The following LRP1B variants were observed in gnomAD, a reference collection of about 807,000 sequenced individuals.
LRP1B encodes the protein low-density lipoprotein receptor-related protein 1B.
In LRP1B, 217 loss-of-function variants were observed where a neutral mutation model predicts 556.6. That is an observed-to-expected ratio of 0.39 (90% confidence interval 0.35 to 0.44). LRP1B has a LOEUF of 0.44. Ranked by LOEUF, LRP1B falls within the 20% of genes least tolerant of loss-of-function variation. LRP1B has a pLI of 1.00. For missense variants in LRP1B, 5,053 were observed against 5,620.8 expected, an observed-to-expected ratio of 0.90 and a Z score of 3.23; for synonymous variants, 2,047 against 1,865.8, an observed-to-expected ratio of 1.10 and a Z score of -2.50.
chr2:141,394,176 G>A (rs1332241096), intron 3 of LRP1B, among the ~76,000 whole-genome samples: 1 of 152,020 alleles, frequency 6.6e-6, no homozygotes, highest in East Asian at 1.9e-4. Flanking sequence ...TTTGTTAACT[G>A]CATAATAAGA....
At chr2:141,590,117 A>G (rs914387739) in intron 2 of LRP1B, among the ~76,000 whole-genome samples, 1 of 152,140 alleles carries the variant, frequency 6.6e-6, no homozygotes, top group Non-Finnish European at 1.5e-5. Flanking sequence ...GGTTATTTTT[A>G]CTTGATTCTA....
intron 32 of LRP1B, among the ~76,000 whole-genome samples, chr2:140,794,291 C>T (rs1209949533): frequency 1.3e-5 from 2 of 151,996 alleles, no homozygotes; most frequent in Admixed American, 1.3e-4. Context: ...TAGGTAATTA[C>T]CTAGCTAAAA....
At chr2:140,300,049 ATCAC>A (rs911646923) in intron 83 of LRP1B, among the ~76,000 whole-genome samples, 4 of 152,120 alleles carry the variant, frequency 2.6e-5, no homozygotes, top group African/African-American at 9.7e-5. Context: ...TTCTATCCCC[ATCAC>A]TCAAAGAAAT....
chr2:140,319,031 G>A (rs1684656159), intron 82 of LRP1B, among the ~76,000 whole-genome samples: 1 of 152,068 alleles, frequency 6.6e-6, no homozygotes, highest in Non-Finnish European at 1.5e-5. Flanking sequence ...GCACAACAAA[G>A]TTATTTAAGT....
At chr2:140,925,916 A>G (rs1043777646) in intron 20 of LRP1B, among the ~76,000 whole-genome samples, 3 of 152,088 alleles carry the variant, frequency 2.0e-5, no homozygotes, top group Non-Finnish European at 4.4e-5. Flanking sequence ...GTTATTGTCT[A>G]AGGTTTTTTC....
chr2:140,310,930 AGCAAAATAAATAATC>A (rs1175757357), intron 83 of LRP1B, among the ~76,000 whole-genome samples: 4 of 151,860 alleles, frequency 2.6e-5, no homozygotes, highest in African/African-American at 9.7e-5. Context: ...ACTTCTGCAT[AGCAAAATAAATAATC>A]ACAAGAGAAA....
rs1469656453 is a variant in LRP1B at position 142,064,932 on chromosome 2, C to T, written c.82+65716G>A. ...TCTATCTCCATGTACCTCCATGTAACAATGACAGAAGCAATAGCAGAGTTT... is the reference window on the plus strand; with the variant it reads ...TCTATCTCCATGTACCTCCATGTAATAATGACAGAAGCAATAGCAGAGTTT... On this transcript the variant is annotated intron_variant, in intron 1 of 90. Coordinates refer to ENST00000389484, the MANE Select transcript of LRP1B (RefSeq NM_018557.3). Among the ~76,000 whole-genome samples, 4 of 151,460 alleles carry T rather than the reference C, an allele frequency of 2.6e-5. No individual in the cohort carries two copies. In the Admixed American group the frequency reaches 2.6e-4, roughly 10 times the overall value.
intron 83 of LRP1B, among the ~76,000 whole-genome samples, chr2:140,304,290 T>C (rs986813855): frequency 3.3e-5 from 5 of 152,170 alleles, no homozygotes; most frequent in African/African-American, 1.2e-4. Context: ...TGTAAAAGTG[T>C]TCCTATTCTC....
At chr2:141,030,785 T>C (rs1698346496) in intron 11 of LRP1B, among the ~76,000 whole-genome samples, 1 of 152,098 alleles carries the variant, frequency 6.6e-6, no homozygotes, top group South Asian at 2.1e-4. Flanking sequence ...ACTCTGATTC[T>C]TTCCAATTGC....
intron 41 of LRP1B, among the ~76,000 whole-genome samples, chr2:140,613,624 T>C (rs1005515760): frequency 3.3e-5 from 5 of 151,224 alleles, no homozygotes; most frequent in African/African-American, 1.2e-4. Flanking sequence ...GCCTCAGCCT[T>C]GTCGTTTAAA....
chr2:141,836,441 A>AT (rs931645455), intron 1 of LRP1B, among the ~76,000 whole-genome samples: 2 of 151,508 alleles, frequency 1.3e-5, no homozygotes, highest in Admixed American at 6.6e-5. Flanking sequence ...TGACTATCCT[A>AT]TTTTTTTTCT....
At chr2:141,404,291 G>A (rs1042044101) in intron 3 of LRP1B, among the ~76,000 whole-genome samples, 9 of 152,092 alleles carry the variant, frequency 5.9e-5, no homozygotes, top group African/African-American at 1.7e-4. Context: ...GATGAAGATC[G>A]TAGTAGTTAC....
intron 43 of LRP1B, among the ~76,000 whole-genome samples, chr2:140,547,992 A>T (rs1287497974): frequency 6.6e-6 from 1 of 151,866 alleles, no homozygotes; most frequent in East Asian, 1.9e-4. Context: ...TACAGGAATG[A>T]TTACTGCAAA....
intron 11 of LRP1B, among the ~76,000 whole-genome samples, chr2:141,042,800 T>C (rs939465110): frequency 2.0e-5 from 3 of 151,676 alleles, no homozygotes; most frequent in Non-Finnish European, 4.4e-5. Context: ...TAAGGTGGTA[T>C]AGTCTAAAAT....
intron 84 of LRP1B, among the ~76,000 whole-genome samples, chr2:140,276,805 G>A (rs1437750117): frequency 6.6e-6 from 1 of 151,836 alleles, no homozygotes; most frequent in Non-Finnish European, 1.5e-5. Context: ...ATTAATTATA[G>A]AATCATATAG....
intron 1 of LRP1B, among the ~76,000 whole-genome samples, chr2:141,997,335 C>T (rs1302241700): frequency 6.6e-6 from 1 of 150,590 alleles, no homozygotes; most frequent in East Asian, 1.9e-4. Context: ...TGTTAAAGAG[C>T]TCAATGGTTA....
intron 1 of LRP1B, among the ~76,000 whole-genome samples, chr2:141,871,952 C>T (rs112673738): frequency 7.8e-4 from 119 of 151,992 alleles, no homozygotes; most frequent in African/African-American, 2.8e-3. Flanking sequence ...AGCTTAAGTC[C>T]ATGCTAAAAC....
chr2:140,263,818 T>TC (rs397742215), intron 86 of LRP1B, among the ~76,000 whole-genome samples: 1 of 151,322 alleles, frequency 6.6e-6, no homozygotes, highest in Non-Finnish European at 1.5e-5. Flanking sequence ...TTTTTTTTTT[T>TC]CACGTGTCCC....
At chr2:140,252,016 A>C (rs1055090026) in intron 86 of LRP1B, among the ~76,000 whole-genome samples, 2 of 126,586 alleles carry the variant, frequency 1.6e-5, no homozygotes, top group African/African-American at 5.8e-5. Flanking sequence ...GTATCCCCTG[A>C]GTCTTTTATA....
Sources: allele counts gnomAD v4.1 joint callset (sites outside exome capture counted in the v4.1 genomes callset), GRCh38; gene constraint gnomAD v4.1.1; transcripts MANE v1.5; gene names NCBI Gene and HGNC (gene_info 2026-07-23, HGNC 2026-07-21).